Variants in FRRS1 observed in about 807,000 individuals in gnomAD.
FRRS1 encodes the protein ferric chelate reductase 1.
In FRRS1, 51 loss-of-function variants were observed where a neutral mutation model predicts 70.7. The ratio of observed to expected loss-of-function variants is 0.72; its 90% confidence interval spans 0.58 to 0.91. FRRS1 has a LOEUF of 0.91. FRRS1 is among the 40% of genes least tolerant of loss of function. FRRS1 has a pLI of 0.00. For synonymous variants in FRRS1, 225 were observed against 238.7 expected (o/e 0.94, Z 0.53); for missense variants, 672 against 726.0 (o/e 0.93, Z 0.86).
intron 7 of FRRS1, among the ~76,000 whole-genome samples, chr1:99,737,771 C>A (rs1208804580): frequency 2.0e-5 from 3 of 152,110 alleles, no homozygotes; most frequent in Non-Finnish European, 4.4e-5. Flanking sequence ...TAGATGGAGT[C>A]TCACTCTGTC....
intron 1 of FRRS1, among the ~76,000 whole-genome samples, chr1:99,763,741 G>A (rs1172961429): frequency 2.0e-5 from 3 of 151,860 alleles, no homozygotes; most frequent in Non-Finnish European, 2.9e-5. Context: ...GGGGGTGCAT[G>A]CCTGTAATCC....
At position 99,708,659 on chromosome 1, in the gene FRRS1, TATATC is replaced by T. The variant is rs1654130837; in HGVS notation, c.*364_*368del. On this transcript the variant is annotated 3_prime_UTR_variant, in exon 17 of 17. Transcript: ENST00000646001. ...ATATATATATATATATATATATATA[TATATC>T]GTAATATATCTCTTTATTATCCTAG... The T allele has an allele frequency of 1.5e-5, 2 of 134,596 alleles. No homozygotes were observed. Among genetic ancestry groups the T allele is most frequent in the African/African-American group, 6.2e-5 (2 of 32,152 alleles). The allele number at this position is 134,596 out of a possible 1,614,324, so 8.3% of individuals were successfully genotyped here.
At position 99,763,277 on chromosome 1, in the gene FRRS1, CT is replaced by C. The variant is rs565734886; in HGVS notation, c.-106+3329del. ...CTATTTTTCCCCTAAATGGGACCCC[CT>C]ATTTTTATATGGACAGGAATTTGGT... is the stretch of plus-strand genomic sequence containing the variant. On this transcript the variant is annotated intron_variant, in intron 1 of 16. Coordinates refer to ENST00000646001, the MANE Select transcript of FRRS1 (RefSeq NM_001361041.2). 5.3e-5 allele frequency among the ~76,000 whole-genome samples: 8 copies of C among 151,960 alleles called. No individual in the cohort carries two copies. The South Asian group carries it at 1.5e-3, about 28-fold the overall frequency.
intron 5 of FRRS1, among the ~76,000 whole-genome samples, chr1:99,741,973 C>A (rs1015884875): frequency 6.6e-6 from 1 of 152,192 alleles, no homozygotes; most frequent in Non-Finnish European, 1.5e-5. Flanking sequence ...GAAAATGATA[C>A]AGACTAATTA....
At chr1:99,738,748 G>A (rs1414168631) in intron 6 of FRRS1, among the ~76,000 whole-genome samples, 2 of 152,188 alleles carry the variant, frequency 1.3e-5, no homozygotes, top group African/African-American at 4.8e-5. Flanking sequence ...TATTTAGGTT[G>A]TGGATTCTGC....
chr1:99,764,119 T>C (rs1324961554), intron 1 of FRRS1, among the ~76,000 whole-genome samples: 1 of 152,208 alleles, frequency 6.6e-6, no homozygotes, highest in Non-Finnish European at 1.5e-5. Context: ...TTTAAGTACT[T>C]TGCAAGTATG....
chr1:99,763,994 C>CTT (rs1223477870), intron 1 of FRRS1, among the ~76,000 whole-genome samples: 9 of 151,994 alleles, frequency 5.9e-5, no homozygotes, highest in African/African-American at 1.9e-4. Context: ...AAATAAACTA[C>CTT]GCTATACCCA....
At chr1:99,724,262 G>T (rs907727997) in intron 9 of FRRS1, among the ~76,000 whole-genome samples, 2 of 152,138 alleles carry the variant, frequency 1.3e-5, no homozygotes, top group African/African-American at 4.8e-5. Flanking sequence ...GCAGTAATAG[G>T]TTACCTACAG....
chr1:99,711,012 T>C (rs1654248210), intron 14 of FRRS1, 63 bp from the exon 15 acceptor site: 4 of 1,420,200 alleles, frequency 2.8e-6, no homozygotes, highest in Non-Finnish European at 3.9e-6. Context: ...AATTGTGTGT[T>C]TGTGTATGTG....
intron 10 of FRRS1, 109 bp from the exon 11 acceptor site, chr1:99,717,634 A>G (rs952886219): frequency 9.8e-6 from 7 of 716,050 alleles, no homozygotes; most frequent in Non-Finnish European, 1.8e-5. Flanking sequence ...AAATACATTC[A>G]GCTGACATAA....
chr1:99,711,031 A>C (rs562905297), intron 14 of FRRS1, 82 bp from the exon 15 acceptor site: 1 of 1,143,928 alleles, frequency 8.7e-7, no homozygotes, highest in South Asian at 1.5e-5. Flanking sequence ...TGTATTATCA[A>C]GTAAAACATA....
At chr1:99,728,217 T>C (rs1289127218) in intron 9 of FRRS1, among the ~76,000 whole-genome samples, 2 of 152,190 alleles carry the variant, frequency 1.3e-5, no homozygotes, top group Admixed American at 1.3e-4. Flanking sequence ...GGCTTCTTAT[T>C]AGGTATTTAT....
In FRRS1 at chr1:99,724,654, A is replaced by G. The variant is rs557641366; in HGVS notation, c.1006+3839T>C. On this transcript the variant is annotated intron_variant, in intron 9 of 16. Transcript: ENST00000646001. ...GTCCACATACATAAAGCTAAGTAAT[A>G]GAAGAGGCAATGATTTATGTGATAA... 4.6e-5 allele frequency among the ~76,000 whole-genome samples: 7 copies of G among 152,322 alleles called. 1 individual carries two copies. The South Asian group carries it at 1.0e-3, about 23-fold the overall frequency.
rs1055973754 is a variant in FRRS1 at position 99,705,277 on chromosome 1, G to A, written c.*3751C>T. Among the ~76,000 whole-genome samples, 25 of 152,218 alleles carry A rather than the reference G, an allele frequency of 1.6e-4. No homozygotes were observed. Among genetic ancestry groups the A allele is most frequent in the African/African-American group, 6.0e-4 (25 of 41,456 alleles). ...AAGGGAACATTTCCCGTTTCACTGA[G>A]AAGGGCATTCCAGGCTGGTAACCAT... On this transcript the variant is annotated 3_prime_UTR_variant, in exon 17 of 17. Coordinates refer to ENST00000646001, the MANE Select transcript of FRRS1 (RefSeq NM_001361041.2).
At chr1:99,761,613 T>C (rs868048454) in intron 1 of FRRS1, among the ~76,000 whole-genome samples, 3 of 152,170 alleles carry the variant, frequency 2.0e-5, no homozygotes, top group African/African-American at 7.2e-5. Context: ...GATAAAACAA[T>C]AGTAAATACT....
intron 1 of FRRS1, among the ~76,000 whole-genome samples, chr1:99,761,228 G>A (rs1657100831): frequency 6.6e-6 from 1 of 151,990 alleles, no homozygotes; most frequent in Non-Finnish European, 1.5e-5. Flanking sequence ...TCAGACTCAA[G>A]CAATCCTCCC....
chr1:99,716,136 T>C (rs973669503), intron 11 of FRRS1, among the ~76,000 whole-genome samples: 2 of 152,338 alleles, frequency 1.3e-5, no homozygotes, highest in Middle Eastern at 3.4e-3. Context: ...ACTATATAAT[T>C]CATGATACAA....
At chr1:99,718,290 C>T (rs878940489) in intron 10 of FRRS1, among the ~76,000 whole-genome samples, 10 of 152,166 alleles carry the variant, frequency 6.6e-5, no homozygotes, top group Admixed American at 6.5e-4. Context: ...AATCAACTTT[C>T]ATCTGTAGAA....
intron 9 of FRRS1, among the ~76,000 whole-genome samples, chr1:99,725,251 A>T (rs986329332): frequency 2.6e-5 from 4 of 152,224 alleles, no homozygotes; most frequent in African/African-American, 9.6e-5. Flanking sequence ...AACAGGTCAC[A>T]GACCAGAACC....
Sources: allele counts gnomAD v4.1 joint callset (sites outside exome capture counted in the v4.1 genomes callset), GRCh38; gene constraint gnomAD v4.1.1; transcripts MANE v1.5; gene names NCBI Gene and HGNC (gene_info 2026-07-23, HGNC 2026-07-21).